Variants in LINGO2 observed in about 807,000 individuals in gnomAD.
LINGO2 encodes leucine-rich repeat and immunoglobulin-like domain-containing nogo receptor-interacting protein 2.
A neutral mutation model predicts 30.6 loss-of-function variants in LINGO2; 14 were observed. The observed-to-expected ratio is 0.46, with a 90% CI of 0.30 to 0.72. The LOEUF (loss-of-function observed/expected upper bound fraction) is 0.72, where lower values mean the gene tolerates loss of function less well. LINGO2 is among the 30% of genes least tolerant of loss of function. The probability of loss-of-function intolerance (pLI) is 0.07; values close to 1 mark genes in which losing one functional copy is unlikely to be tolerated. For missense variants in LINGO2, 729 were observed against 751.7 expected (o/e 0.97, Z 0.35); for synonymous variants, 317 against 288.5 (o/e 1.10, Z -1.00).
chr9:28,308,143 AC>A (rs1284466633), intron 3 of LINGO2, among the ~76,000 whole-genome samples: 1 of 134,080 alleles, frequency 7.5e-6, no homozygotes, highest in Non-Finnish European at 1.7e-5. Flanking sequence ...AGCCAAAAGA[AC>A]AAAGCTGGAG....
chr9:28,212,433 C>T (rs1162033431), intron 4 of LINGO2, among the ~76,000 whole-genome samples: 1 of 151,386 alleles, frequency 6.6e-6, no homozygotes, highest in Non-Finnish European at 1.5e-5. Context: ...TCTGCTATGG[C>T]CTCCTACATG....
intron 4 of LINGO2, among the ~76,000 whole-genome samples, chr9:28,184,710 T>C: frequency 6.6e-6 from 1 of 152,078 alleles, no homozygotes; most frequent in East Asian, 1.9e-4. Flanking sequence ...ATTCAGAAAG[T>C]ATACAGACAT....
intron 1 of LINGO2, among the ~76,000 whole-genome samples, chr9:28,561,184 C>A (rs952516868): frequency 6.6e-6 from 1 of 151,986 alleles, no homozygotes. Context: ...ACCATATGCA[C>A]TCTGCCACAC....
chr9:29,141,966 T>C, the LINGO2 span, among the ~76,000 whole-genome samples: 2 of 151,868 alleles, frequency 1.3e-5, no homozygotes, highest in Non-Finnish European at 2.9e-5. Context: ...TAGTATATTT[T>C]AGTAACTAAC....
rs16913426 is a variant in LINGO2, at chr9:28,616,347, G to A, written c.-365+53853C>T. 2.6e-5 allele frequency among the ~76,000 whole-genome samples: 4 copies of A among 152,146 alleles called. No homozygotes were observed. The East Asian group carries it at 5.8e-4, about 22-fold the overall frequency. On this transcript the variant is annotated intron_variant, in intron 1 of 5. Transcript: ENST00000379992. ...CATACACACATGTGAAATATTTTCT[G>A]AATAGATTCCCACTTAATGTCAGTC...
chr9:28,404,511 G>A (rs908160958), intron 2 of LINGO2, among the ~76,000 whole-genome samples: 5 of 152,068 alleles, frequency 3.3e-5, no homozygotes, highest in Non-Finnish European at 7.4e-5. Context: ...TTTCTACAAT[G>A]TACCATAAAA....
At chr9:28,233,061 T>TATACACAA (rs60875467) in intron 4 of LINGO2, among the ~76,000 whole-genome samples, 9 of 118,830 alleles carry the variant, frequency 7.6e-5, no homozygotes, top group African/African-American at 2.9e-4. Flanking sequence ...TATATATATA[T>TATACACAA]TAGATATATA....
At chr9:28,771,484 T>A in the LINGO2 span, among the ~76,000 whole-genome samples, 2 of 137,398 alleles carry the variant, frequency 1.5e-5, no homozygotes, top group Non-Finnish European at 3.2e-5. Context: ...TGTGTGTGTG[T>A]GTGTGTGTGT....
At chr9:28,248,230 A>T (rs548845818) in intron 4 of LINGO2, among the ~76,000 whole-genome samples, 1 of 152,332 alleles carries the variant, frequency 6.6e-6, no homozygotes, top group East Asian at 1.9e-4. Flanking sequence ...AGATGAAAGG[A>T]TGGAGGAAAT....
the LINGO2 span, among the ~76,000 whole-genome samples, chr9:29,073,355 G>T: frequency 6.6e-6 from 1 of 151,934 alleles, no homozygotes; most frequent in East Asian, 1.9e-4. Context: ...TAAGTAATGG[G>T]GGAAAAAAAC....
At chr9:28,555,681 C>G (rs540894414) in intron 1 of LINGO2, among the ~76,000 whole-genome samples, 2 of 151,762 alleles carry the variant, frequency 1.3e-5, no homozygotes, top group Admixed American at 1.3e-4. Flanking sequence ...AAAGCCGGGC[C>G]GAGACACAAC....
At chr9:28,192,177 G>C (rs1819845529) in intron 4 of LINGO2, among the ~76,000 whole-genome samples, 2 of 151,828 alleles carry the variant, frequency 1.3e-5, no homozygotes, top group Admixed American at 1.3e-4. Flanking sequence ...TAAGATACCT[G>C]CATCATCTCT....
At chr9:28,995,567 G>A in the LINGO2 span, among the ~76,000 whole-genome samples, 97,338 of 151,526 alleles carry the variant, frequency 0.64, 32,071 homozygotes, top group Non-Finnish European at 0.72. Flanking sequence ...AGACACATGC[G>A]CACGTATGTT....
At chr9:28,999,012 C>T in the LINGO2 span, among the ~76,000 whole-genome samples, 78 of 152,168 alleles carry the variant, frequency 5.1e-4, no homozygotes, top group African/African-American at 1.8e-3. Flanking sequence ...GAGTCAGGCA[C>T]AGAGCTAGTT....
downstream of LINGO2, among the ~76,000 whole-genome samples, chr9:27,947,534 T>A (rs959069622): frequency 2.0e-5 from 3 of 152,164 alleles, no homozygotes; most frequent in Non-Finnish European, 4.4e-5. Flanking sequence ...TTATACAAGA[T>A]AATTTTCAAA....
At chr9:28,237,508 G>T (rs1821617367) in intron 4 of LINGO2, among the ~76,000 whole-genome samples, 1 of 152,150 alleles carries the variant, frequency 6.6e-6, no homozygotes, top group East Asian at 1.9e-4. Context: ...AGATAGATTG[G>T]CTGAATGGAT....
intron 2 of LINGO2, among the ~76,000 whole-genome samples, chr9:28,437,659 C>T (rs1430890471): frequency 2.0e-5 from 3 of 151,998 alleles, no homozygotes; most frequent in African/African-American, 7.2e-5. Context: ...CTCCTCTCCC[C>T]CTTTCTCATC....
At chr9:29,124,911 G>A in the LINGO2 span, among the ~76,000 whole-genome samples, 20,900 of 152,110 alleles carry the variant, frequency 0.14, 1,775 homozygotes, top group South Asian at 0.19. Context: ...CCATTACTGG[G>A]TATATACCCA....
chr9:28,997,828 AAAAC>A, the LINGO2 span, among the ~76,000 whole-genome samples: 2 of 91,742 alleles, frequency 2.2e-5, no homozygotes, highest in Non-Finnish European at 4.4e-5. Flanking sequence ...GTCTCAAAAA[AAAAC>A]AAAACAAAAC....
Sources: allele counts gnomAD v4.1 joint callset (sites outside exome capture counted in the v4.1 genomes callset), GRCh38; gene constraint gnomAD v4.1.1; transcripts MANE v1.5; gene names NCBI Gene and HGNC (gene_info 2026-07-23, HGNC 2026-07-21).